SPP2: variants seen among roughly 807,000 people sequenced by gnomAD.
SPP2 encodes secreted phosphoprotein 2.
A neutral mutation model predicts 28.8 loss-of-function variants in SPP2; 34 were observed. The ratio of observed to expected loss-of-function variants is 1.18; its 90% CI spans 0.90 to 1.57. The LOEUF (loss-of-function observed/expected upper bound fraction) is 1.57, where lower values mean the gene tolerates loss of function less well. Ranked by LOEUF, SPP2 falls within the 40% of genes most tolerant of loss-of-function variation. The pLI is 0.00. For synonymous variants in SPP2, 96 were observed against 89.4 expected, an observed-to-expected ratio of 1.07 and a Z score of -0.42; for missense variants, 269 against 263.9, an observed-to-expected ratio of 1.02 and a Z score of -0.13.
At chr2:234,073,080 G>C in intron 7 of SPP2, among the ~76,000 whole-genome samples, 1 of 152,040 alleles carries the variant, frequency 6.6e-6, no homozygotes, top group Non-Finnish European at 1.5e-5. Context: ...TAGAGATGGG[G>C]TTTCACCATG....
chr2:234,073,951 T>C (rs1006616707), intron 7 of SPP2, among the ~76,000 whole-genome samples: 1 of 152,254 alleles, frequency 6.6e-6, no homozygotes, highest in Non-Finnish European at 1.5e-5. Context: ...TGCCCATGAA[T>C]ATTACAGCTC....
Position 234,066,929 on chromosome 2 carries a change from C to T in SPP2, c.500-295C>T, listed in dbSNP as rs77898058. Among the ~76,000 whole-genome samples the T allele has an allele frequency of 7.5e-3, 1,136 of 152,276 alleles. 16 individuals carry two copies. Among genetic ancestry groups the T allele is most frequent in the African/African-American group, 0.026 (1,093 of 41,542 alleles). On this transcript the variant is annotated intron_variant, in intron 5 of 7. Transcript: ENST00000168148. ...GGATCAGGAGTAAACAGTCTGAATT[C>T]TATCGTCTTTCAGCCATACAACTAG... is the stretch of plus-strand genomic sequence containing the variant.
At chr2:234,065,305 A>T (rs12692253) in intron 4 of SPP2, among the ~76,000 whole-genome samples, 1 of 151,942 alleles carries the variant, frequency 6.6e-6, no homozygotes. Flanking sequence ...TTGTTGACAG[A>T]GTCTCACTCT....
chr2:234,070,193 T>G (rs546380900), intron 7 of SPP2, among the ~76,000 whole-genome samples, 170 bp downstream of exon 7: 2 of 152,364 alleles, frequency 1.3e-5, no homozygotes, highest in East Asian at 3.9e-4. Flanking sequence ...TTCAATCTCA[T>G]GCACCCTCAA....
At chr2:234,061,772 C>T (rs1398625821) in intron 4 of SPP2, among the ~76,000 whole-genome samples, 3 of 152,156 alleles carry the variant, frequency 2.0e-5, no homozygotes, top group Non-Finnish European at 4.4e-5. Flanking sequence ...GAACTTAACA[C>T]AGTTTATTAG....
chr2:234,057,509 ATGT>A (rs1181299331), intron 2 of SPP2, among the ~76,000 whole-genome samples: 14 of 152,098 alleles, frequency 9.2e-5, no homozygotes, highest in Non-Finnish European at 1.9e-4. Context: ...CCCCATTGCC[ATGT>A]TGTTGTTTTT....
intron 2 of SPP2, among the ~76,000 whole-genome samples, chr2:234,053,900 G>A (rs1693550921): frequency 6.6e-6 from 1 of 152,012 alleles, no homozygotes; most frequent in Admixed American, 6.6e-5. Flanking sequence ...TTTCTACCAG[G>A]GAAAGAGAGG....
chr2:234,071,509 C>T (rs539893529), intron 7 of SPP2, among the ~76,000 whole-genome samples: 22 of 152,306 alleles, frequency 1.4e-4, no homozygotes, highest in Non-Finnish European at 2.5e-4. Context: ...ATGTAGCTAT[C>T]ATGAAGGGCA....
intron 6 of SPP2, among the ~76,000 whole-genome samples, chr2:234,068,162 T>C (rs975481446): frequency 1.3e-5 from 2 of 152,348 alleles, no homozygotes; most frequent in Admixed American, 6.5e-5. Flanking sequence ...CCTGCTTATA[T>C]AGACGAATAA....
chr2:234,060,309 T>C, intron 3 of SPP2, 60 bp from the exon 4 acceptor site: 1 of 1,133,596 alleles, frequency 8.8e-7, no homozygotes, highest in East Asian at 2.4e-5. Flanking sequence ...ATTTACTCAA[T>C]GGAGGCTATC....
At chr2:234,064,311 CT>C (rs1693777017) in intron 4 of SPP2, among the ~76,000 whole-genome samples, 1 of 152,004 alleles carries the variant, frequency 6.6e-6, no homozygotes, top group African/African-American at 2.4e-5. Flanking sequence ...TGCAGAGAGG[CT>C]TTCCCCTTGC....
chr2:234,050,991 G>T lies in SPP2; in HGVS notation c.106G>T (p.Asp36Tyr), dbSNP rs755087069. 9 of 1,613,874 alleles carry T rather than the reference G, an allele frequency of 5.6e-6. 1 individual carries two copies. The highest frequency in any genetic ancestry group is 6.8e-6 in the Non-Finnish European group (8 of 1,179,952). The change falls in exon 2 of 8, where the codon GAT becomes TAT. Residue 36 changes from aspartate (D) to tyrosine (Y), a missense_variant. By Grantham distance (160) the Asp-to-Tyr change is radical. Coordinates refer to ENST00000168148, the MANE Select transcript of SPP2 (RefSeq NM_006944.3). ...TCCAGGTTTCCCAGTGTACGACTAC[G>T]ATCCATCCTCCTTAAGGGATGCCCT... ...SCSGFPVYDY[D>Y]PSSLRDALSA...
chr2:234,074,650 A>C (rs1690860627), intron 7 of SPP2, among the ~76,000 whole-genome samples: 1 of 152,232 alleles, frequency 6.6e-6, no homozygotes, highest in Admixed American at 6.5e-5. Context: ...TATGGTCTAT[A>C]AAGCTGCTTC....
Position 234,060,374 on chromosome 2 carries a change from A to G in SPP2, c.339A>G (p.Thr113=), listed in dbSNP as rs749731859. 61 of 1,613,560 alleles carry G rather than the reference A, an allele frequency of 3.8e-5. No individual in the cohort carries two copies. Among genetic ancestry groups the G allele is most frequent in the Non-Finnish European group, 4.7e-5 (55 of 1,179,714 alleles). Residue 113 remains threonine, a synonymous_variant, in exon 4 of 8, where the codon ACA becomes ACG. Coordinates refer to ENST00000168148, the MANE Select transcript of SPP2 (RefSeq NM_006944.3). The part of the protein sequence containing the change: ...CAFQRDYYVS[T]AVCRSTVKVS... ...CACCCCTTTGTCTTTTCCAGTCCAC[A>G]GCTGTTTGCAGAAGCACCGTGAAGG... is the stretch of plus-strand genomic sequence containing the variant.
In SPP2 at chr2:234,076,990, G is replaced by A. The variant is rs1690909992; in HGVS notation, c.*156G>A. On this transcript the variant is annotated 3_prime_UTR_variant, in exon 8 of 8. Coordinates refer to ENST00000168148, the MANE Select transcript of SPP2 (RefSeq NM_006944.3). ...AGCTGGAATGTGAACGCATGCCACGGTGGTCTGACCCTCACACTCCTTTTC... is the reference window on the plus strand; with the variant it reads ...AGCTGGAATGTGAACGCATGCCACGATGGTCTGACCCTCACACTCCTTTTC... The A allele has an allele frequency of 6.6e-6, 1 of 152,118 alleles. No individual in the cohort carries two copies. Among genetic ancestry groups the A allele is most frequent in the African/African-American group, 2.4e-5 (1 of 41,434 alleles). 9.4% of individuals were successfully genotyped at this position (152,118 alleles called of 1,614,324 possible). A position where few individuals can be genotyped will look rare whatever the true frequency, so the allele number is the denominator to read the frequency against.
At chr2:234,067,140 A>T in intron 5 of SPP2, 84 bp from the exon 6 acceptor site, 2 of 1,263,342 alleles carry the variant, frequency 1.6e-6, no homozygotes, top group East Asian at 4.6e-5. Flanking sequence ...CTTAAGAAGC[A>T]TATTTGTGGC....
chr2:234,054,431 G>A (rs17864802), intron 2 of SPP2, among the ~76,000 whole-genome samples: 34,557 of 152,106 alleles, frequency 0.23, 4,524 homozygotes, highest in South Asian at 0.48. Context: ...ACAAACCATG[G>A]TCTAGGTGGT....
chr2:234,064,317 C>A (rs1382029372), intron 4 of SPP2, among the ~76,000 whole-genome samples: 3 of 151,960 alleles, frequency 2.0e-5, no homozygotes, highest in Non-Finnish European at 4.4e-5. Context: ...GAGGCTTTCC[C>A]CTTGCAGCAG....
In SPP2 at chr2:234,066,566, T is replaced by C. The variant is rs1490808213; in HGVS notation, c.478T>C (p.Trp160Arg). The change falls in exon 5 of 8, where the codon TGG (tryptophan) becomes CGG (arginine). Residue 160 changes from tryptophan (W) to arginine (R), a missense_variant. Physicochemically the swap from Trp to Arg is moderately radical, Grantham distance 101 (BLOSUM62 -3). Transcript: ENST00000168148. ...TGGGGACATGTTGGGATCTCATAAA[T>C]GGAGAAACAATTATCTATTTGGTAA... ...IFGDMLGSHK[W>R]RNNYLFGLIS... The C allele has an allele frequency of 1.2e-6, 2 of 1,612,324 alleles. No homozygotes were observed. The highest frequency in any genetic ancestry group is 1.7e-6 in the Non-Finnish European group (2 of 1,179,676).
Sources: allele counts gnomAD v4.1 joint callset (sites outside exome capture counted in the v4.1 genomes callset), GRCh38; gene constraint gnomAD v4.1.1; transcripts MANE v1.5; gene names NCBI Gene and HGNC (gene_info 2026-07-23, HGNC 2026-07-21).